Variants in MICU2 observed in about 807,000 individuals in gnomAD.
The protein encoded by MICU2 is calcium uptake protein 2, mitochondrial.
A neutral mutation model predicts 60.4 loss-of-function variants in MICU2; 64 were observed. The observed-to-expected ratio is 1.06, with a 90% CI of 0.87 to 1.31. The LOEUF (loss-of-function observed/expected upper bound fraction) is 1.31, where lower values mean the gene tolerates loss of function less well. MICU2 is among the 50% of genes most tolerant of loss of function. MICU2 has a pLI of 0.00. For synonymous variants in MICU2, 201 were observed against 175.0 expected (o/e 1.15, Z -1.17); for missense variants, 569 against 531.0 (o/e 1.07, Z -0.70).
At position 21,593,634 on chromosome 13, in the gene MICU2, C is replaced by T. The variant is rs184605287; in HGVS notation, c.210+10305G>A. ...TCATGCTAACTGACTTCAAACTATG[C>T]TACAAGGCTACAGTAACCAAAACAG... On this transcript the variant is annotated intron_variant, in intron 1 of 11. Transcript: ENST00000382374. Among the ~76,000 whole-genome samples the T allele has an allele frequency of 1.2e-4, 17 of 141,620 alleles. No homozygotes were observed. The East Asian group carries it at 3.4e-3, about 28-fold the overall frequency. 92.9% of individuals were successfully genotyped at this position (141,620 alleles called of 152,430 possible). A position where few individuals can be genotyped will look rare whatever the true frequency, so the allele number is the denominator to read the frequency against.
Position 21,604,099 on chromosome 13 carries a change from T to G in MICU2, c.50A>C (p.Lys17Thr), listed in dbSNP as rs1888900658. Residue 17 changes from lysine (K) to threonine (T), a missense_variant, in exon 1 of 12, where the codon AAA (lysine) becomes ACA (threonine). Coordinates refer to ENST00000382374, the MANE Select transcript of MICU2 (RefSeq NM_152726.3). ...GCTGACAGCGAGCCCCCGTCGCAGTTTTCCGCCCCAGGCCGCCACCCGCGC... is the reference window on the plus strand; with the variant it reads ...GCTGACAGCGAGCCCCCGTCGCAGTGTTCCGCCCCAGGCCGCCACCCGCGC... Reference protein sequence around the residue: ...SCARVAAWGGKLRRGLAVSRQ... With the variant: ...SCARVAAWGGTLRRGLAVSRQ... The G allele has an allele frequency of 6.3e-7, 1 of 1,590,644 alleles. No homozygotes were observed. Among genetic ancestry groups the G allele is most frequent in the Non-Finnish European group, 8.5e-7 (1 of 1,170,494 alleles).
At chr13:21,602,030 C>A (rs1888829268) in intron 1 of MICU2, among the ~76,000 whole-genome samples, 1 of 151,252 alleles carries the variant, frequency 6.6e-6, no homozygotes, top group Non-Finnish European at 1.5e-5. Context: ...ATTACTTGAA[C>A]CGGGGAGTTA....
chr13:21,573,489 G>A (rs910462157), intron 1 of MICU2, among the ~76,000 whole-genome samples: 3 of 152,076 alleles, frequency 2.0e-5, no homozygotes, highest in East Asian at 1.9e-4. Flanking sequence ...AGCCAGGATG[G>A]TCTTGATCTC....
At chr13:21,505,182 T>C (rs542312754) in intron 8 of MICU2, among the ~76,000 whole-genome samples, 7 of 152,264 alleles carry the variant, frequency 4.6e-5, no homozygotes, top group African/African-American at 7.2e-5. Context: ...TGTGTCAGAA[T>C]AGAAATAAAC....
intron 8 of MICU2, among the ~76,000 whole-genome samples, chr13:21,506,034 T>A (rs1414244634): frequency 6.6e-6 from 1 of 152,076 alleles, no homozygotes; most frequent in East Asian, 1.9e-4. Context: ...CCACTTTTTT[T>A]TTTTTTTGAA....
At chr13:21,542,052 G>A (rs1272147713) in intron 2 of MICU2, among the ~76,000 whole-genome samples, 1 of 151,868 alleles carries the variant, frequency 6.6e-6, no homozygotes, top group African/African-American at 2.4e-5. Flanking sequence ...AAAAAGACAA[G>A]GCAAAGATAC....
intron 4 of MICU2, among the ~76,000 whole-genome samples, chr13:21,525,339 C>T (rs1886824358): frequency 1.3e-5 from 2 of 151,360 alleles, no homozygotes; most frequent in South Asian, 2.1e-4. Flanking sequence ...ACTACAGGCG[C>T]CCACCACCAC....
chr13:21,535,394 G>T (rs1887107142), intron 4 of MICU2, among the ~76,000 whole-genome samples: 1 of 151,954 alleles, frequency 6.6e-6, no homozygotes, highest in Non-Finnish European at 1.5e-5. Context: ...TTCACAACTG[G>T]TAAATATCTT....
intron 1 of MICU2, among the ~76,000 whole-genome samples, chr13:21,597,260 C>CT (rs1206637637): frequency 6.6e-6 from 1 of 152,126 alleles, no homozygotes; most frequent in Admixed American, 6.6e-5. Flanking sequence ...ATGTGCCAGA[C>CT]TTTTTTCTAG....
In MICU2 at chr13:21,526,245, T is replaced by G. The variant is rs1172991439; in HGVS notation, c.467-3595A>C. Among the ~76,000 whole-genome samples the G allele has an allele frequency of 2.0e-5, 3 of 151,738 alleles. No individual in the cohort carries two copies. The East Asian group carries it at 5.8e-4, about 29-fold the overall frequency. On this transcript the variant is annotated intron_variant, in intron 4 of 11. Coordinates refer to ENST00000382374, the MANE Select transcript of MICU2 (RefSeq NM_152726.3). The stretch of plus-strand genomic sequence containing the variant: ...CTAGGACTGCAGGTGTGAGCCACTG[T>G]GCCCAGCTTTCCTGTCTCTTATGTC...
intron 1 of MICU2, among the ~76,000 whole-genome samples, chr13:21,599,119 C>G (rs1888760582): frequency 6.6e-6 from 1 of 152,178 alleles, no homozygotes; most frequent in African/African-American, 2.4e-5. Context: ...CAAAACCACC[C>G]CCACCTCCAT....
chr13:21,551,193 T>G (rs1006740676), intron 2 of MICU2: 3 of 152,812 alleles, frequency 2.0e-5, no homozygotes, highest in African/African-American at 7.2e-5. Flanking sequence ...CAACACTGCC[T>G]AGATCCAACT....
intron 2 of MICU2, among the ~76,000 whole-genome samples, chr13:21,566,499 C>CT (rs1887984965): frequency 7.0e-6 from 1 of 142,458 alleles, no homozygotes; most frequent in Non-Finnish European, 1.6e-5. Flanking sequence ...AATCTAGTTT[C>CT]ATTTTTTTTT....
At chr13:21,529,939 A>T (rs1448710577) in intron 4 of MICU2, among the ~76,000 whole-genome samples, 1 of 152,198 alleles carries the variant, frequency 6.6e-6, no homozygotes, top group Non-Finnish European at 1.5e-5. Flanking sequence ...TCAGCGTGGG[A>T]TAAAAGTACA....
At chr13:21,564,561 ATGTAC>A (rs1451157504) in intron 2 of MICU2, among the ~76,000 whole-genome samples, 2 of 152,036 alleles carry the variant, frequency 1.3e-5, no homozygotes, top group Non-Finnish European at 2.9e-5. Flanking sequence ...CTGTGAAGGG[ATGTAC>A]CCTTCAAAAG....
chr13:21,575,729 C>CAAAAAA (rs10557584), intron 1 of MICU2, among the ~76,000 whole-genome samples: 2 of 48,058 alleles, frequency 4.2e-5, no homozygotes, highest in Non-Finnish European at 7.1e-5. Context: ...GACTCTGTCT[C>CAAAAAA]AAAAAAAAAA....
intron 4 of MICU2, among the ~76,000 whole-genome samples, chr13:21,529,322 G>C (rs1235574699): frequency 6.6e-6 from 1 of 152,158 alleles, no homozygotes; most frequent in East Asian, 1.9e-4. Context: ...GTTGGTTTAG[G>C]GGGAAGACGA....
In MICU2 at chr13:21,541,287, G is replaced by A. The variant is rs560089509; in HGVS notation, c.359-1599C>T. On this transcript the variant is annotated intron_variant, in intron 2 of 11. Transcript: ENST00000382374. ...AATCCTTCTACTTGAAACTGAGTGAGTAAAGAAGGTAATGTTTGCTTCCCT... is the reference window on the plus strand; with the variant it reads ...AATCCTTCTACTTGAAACTGAGTGAATAAAGAAGGTAATGTTTGCTTCCCT... Among the ~76,000 whole-genome samples the A allele has an allele frequency of 2.6e-5, 4 of 152,076 alleles. No homozygotes were observed. The South Asian group carries it at 8.3e-4, about 32-fold the overall frequency.
At chr13:21,526,113 CTTTTTTT>C (rs34999871) in intron 4 of MICU2, among the ~76,000 whole-genome samples, 87 of 110,590 alleles carry the variant, frequency 7.9e-4, no homozygotes, top group Admixed American at 2.4e-3. Context: ...AATTAAAATA[CTTTTTTT>C]TTTTTTTTTT....
Sources: gnomAD v4.1 joint callset for allele counts (sites outside exome capture counted in the v4.1 genomes callset) on GRCh38, gnomAD v4.1.1 for gene constraint, MANE v1.5 for transcripts, NCBI Gene and HGNC (gene_info 2026-07-23, HGNC 2026-07-21) for gene names.